Variants in PTPN4 observed in about 807,000 individuals in gnomAD.
PTPN4 encodes protein tyrosine phosphatase non-receptor type 4, also known as tyrosine-protein phosphatase non-receptor type 4.
Under a neutral mutation model 135.5 loss-of-function variants are expected in PTPN4, and 49 were observed. The observed-to-expected ratio is 0.36, with a 90% CI of 0.29 to 0.46. The LOEUF (loss-of-function observed/expected upper bound fraction) is 0.46. Among genes scored for constraint, PTPN4 ranks in the 20% least tolerant of loss-of-function variants. The pLI is 1.00. For synonymous variants in PTPN4, 333 were observed against 369.9 expected, an observed-to-expected ratio of 0.90 and a Z score of 1.14; for missense variants, 860 against 1,101.0, an observed-to-expected ratio of 0.78 and a Z score of 3.10.
chr2:119,950,357 T>C (rs116407612), intron 18 of PTPN4, among the ~76,000 whole-genome samples: 2,196 of 152,284 alleles, frequency 0.014, 48 homozygotes, highest in African/African-American at 0.05. Context: ...AAAAAGCAAC[T>C]TGAGAGAATG....
At chr2:119,903,497 G>C (rs1210431722) in intron 10 of PTPN4, among the ~76,000 whole-genome samples, 2 of 151,662 alleles carry the variant, frequency 1.3e-5, no homozygotes, top group East Asian at 1.9e-4. Context: ...CTCGCCCTCA[G>C]CTACCACCTC....
At chr2:119,790,886 A>G (rs576632397) in intron 1 of PTPN4, among the ~76,000 whole-genome samples, 29 of 152,276 alleles carry the variant, frequency 1.9e-4, no homozygotes, top group African/African-American at 6.7e-4. Context: ...TTTACTTATA[A>G]CTATCTCATG....
chr2:119,941,312 T>A (rs950404424), intron 15 of PTPN4, among the ~76,000 whole-genome samples: 1 of 152,170 alleles, frequency 6.6e-6, no homozygotes, highest in African/African-American at 2.4e-5. Flanking sequence ...ATTAATATTC[T>A]TGGAGTATGT....
At chr2:119,772,204 G>T (rs1041699195) in intron 1 of PTPN4, among the ~76,000 whole-genome samples, 10 of 152,108 alleles carry the variant, frequency 6.6e-5, no homozygotes, top group African/African-American at 2.4e-4. Flanking sequence ...AGTTATAGTG[G>T]CTTACTACAA....
intron 10 of PTPN4, among the ~76,000 whole-genome samples, chr2:119,903,529 C>T (rs1678439273): frequency 6.6e-6 from 1 of 151,258 alleles, no homozygotes; most frequent in South Asian, 2.1e-4. Context: ...GGAGTCTAGG[C>T]ATTGGCTGGC....
chr2:119,839,982 T>C (rs866788870), intron 2 of PTPN4, among the ~76,000 whole-genome samples: 8 of 152,290 alleles, frequency 5.3e-5, no homozygotes, highest in Middle Eastern at 3.4e-3. Flanking sequence ...ATAGAAGAAG[T>C]AGGTTTCAAT....
At chr2:119,921,326 A>G (rs1678734023) in intron 12 of PTPN4, among the ~76,000 whole-genome samples, 1 of 152,186 alleles carries the variant, frequency 6.6e-6, no homozygotes, top group African/African-American at 2.4e-5. Flanking sequence ...CTTGACCATT[A>G]TGTGTTAAGA....
chr2:119,779,117 G>T (rs1366763107), intron 1 of PTPN4, among the ~76,000 whole-genome samples: 1 of 152,130 alleles, frequency 6.6e-6, no homozygotes, highest in African/African-American at 2.4e-5. Flanking sequence ...TATCCTAAGG[G>T]AATCTGGCCC....
At chr2:119,862,064 A>G (rs1478965628) in intron 2 of PTPN4, among the ~76,000 whole-genome samples, 1 of 152,230 alleles carries the variant, frequency 6.6e-6, no homozygotes. Flanking sequence ...TATAAGAATA[A>G]AAGGCATAAC....
At position 119,850,098 on chromosome 2, in the gene PTPN4, C is replaced by A. The variant is rs79716924; in HGVS notation, c.139-12438C>A. Among the ~76,000 whole-genome samples the A allele has an allele frequency of 3.3e-3, 496 of 152,320 alleles. 2 individuals carry two copies. The highest frequency in any genetic ancestry group is 0.011 in the African/African-American group (469 of 41,570). ...AGCTGACGTATGTTGTTTTCAAGAG[C>A]ACTCTTAGACTGGAACTTCTCTATA... is the stretch of plus-strand genomic sequence containing the variant. On this transcript the variant is annotated intron_variant, in intron 2 of 26. Coordinates refer to ENST00000263708, the MANE Select transcript of PTPN4 (RefSeq NM_002830.4).
chr2:119,807,078 G>C (rs1040789417), intron 1 of PTPN4, among the ~76,000 whole-genome samples: 3 of 152,172 alleles, frequency 2.0e-5, no homozygotes, highest in Non-Finnish European at 4.4e-5. Context: ...ACTTAAAGCA[G>C]TGCGTAGAGG....
chr2:119,882,092 A>G lies in PTPN4; in HGVS notation c.414-5A>G, dbSNP rs370261737. ...CGGTTGTGTATTTTTGTTTTGTTTT[A>G]TTAGATTACCCTGTCCTTCTAATAC... is the stretch of plus-strand genomic sequence containing the variant. On this transcript the variant is annotated splice_polypyrimidine_tract_variant and splice_region_variant and intron_variant, in intron 6 of 26. Coordinates refer to ENST00000263708, the MANE Select transcript of PTPN4 (RefSeq NM_002830.4). 10 of 1,603,600 alleles carry G rather than the reference A, an allele frequency of 6.2e-6. No individual in the cohort carries two copies. Among genetic ancestry groups the G allele is most frequent in the African/African-American group, 1.3e-5 (1 of 74,682 alleles).
intron 18 of PTPN4, among the ~76,000 whole-genome samples, chr2:119,950,343 G>A (rs1679195116): frequency 6.6e-6 from 1 of 152,170 alleles, no homozygotes; most frequent in East Asian, 1.9e-4. Context: ...TACATAAGTA[G>A]ACAAAAAAGC....
intron 2 of PTPN4, among the ~76,000 whole-genome samples, chr2:119,842,834 TCACCAGTTTTTA>T (rs897879730): frequency 9.2e-5 from 14 of 152,104 alleles, no homozygotes. Flanking sequence ...TTTATAGCTA[TCACCAGTTTTTA>T]CATGCTGTCA....
rs1199729994 is a variant in PTPN4, at chr2:119,934,870, A to G, written c.1267A>G (p.Met423Val). The part of the protein sequence containing the change: ...PSSVGHLVDH[M>V]VHTSPSEVFV... ...TTCAGTTGGTCATTTGGTAGACCATATGGTTCATACTTCCCCAAGCGAAGT... is the reference window on the plus strand; with the variant it reads ...TTCAGTTGGTCATTTGGTAGACCATGTGGTTCATACTTCCCCAAGCGAAGT... Residue 423 changes from methionine to valine, a missense_variant, in exon 15 of 27, where the codon ATG (methionine) becomes GTG (valine). This residue lies in a region of PTPN4 where 684 missense variants were observed against 807.0 expected (regional missense o/e 0.85). Transcript: ENST00000263708. The G allele has an allele frequency of 1.2e-5, 19 of 1,613,762 alleles. No homozygotes were observed. The highest frequency in any genetic ancestry group is 1.6e-5 in the Non-Finnish European group (19 of 1,179,644).
At chr2:119,926,759 C>A in intron 13 of PTPN4, 93 bp downstream of exon 13, 2 of 937,296 alleles carry the variant, frequency 2.1e-6, no homozygotes, top group Non-Finnish European at 1.6e-6. Flanking sequence ...TAAAGTTTTT[C>A]TAAATATTTC....
chr2:119,924,220 A>G (rs1432851816), intron 12 of PTPN4, among the ~76,000 whole-genome samples: 1 of 151,490 alleles, frequency 6.6e-6, no homozygotes, highest in Non-Finnish European at 1.5e-5. Flanking sequence ...AGACATTAAC[A>G]CAGCAGTTCT....
At chr2:119,869,580 A>G (rs918195037) in intron 3 of PTPN4, among the ~76,000 whole-genome samples, 2 of 151,952 alleles carry the variant, frequency 1.3e-5, no homozygotes, top group African/African-American at 4.8e-5. Context: ...CCCCACCCCC[A>G]TTCCTAAACT....
chr2:119,789,393 G>A (rs1691100676), intron 1 of PTPN4, among the ~76,000 whole-genome samples: 1 of 152,126 alleles, frequency 6.6e-6, no homozygotes, highest in Non-Finnish European at 1.5e-5. Context: ...CTTTCTTGAT[G>A]GTGTCCTTTG....
Sources: gnomAD v4.1 joint callset for allele counts (sites outside exome capture counted in the v4.1 genomes callset) on GRCh38, gnomAD v4.1.1 for gene constraint, gnomAD v4.1.1 regional missense constraint, MANE v1.5 for transcripts, NCBI Gene and HGNC (gene_info 2026-07-23, HGNC 2026-07-21) for gene names.